The following PCDHA6 variants were observed in gnomAD, a reference collection of about 807,000 sequenced individuals.
PCDHA6 encodes the protein protocadherin alpha-6.
A neutral mutation model predicts 60.3 loss-of-function variants in PCDHA6; 55 were observed. The ratio of observed to expected loss-of-function variants is 0.91; its 90% confidence interval spans 0.73 to 1.14. The LOEUF is 1.14. PCDHA6 is among the 50% of genes most tolerant of loss of function. The pLI is 0.00. For synonymous variants in PCDHA6, 652 were observed against 557.9 expected (o/e 1.17, Z -2.38); for missense variants, 1,327 against 1,256.5 (o/e 1.06, Z -0.85).
intron 1 of PCDHA6, chr5:140,856,380 G>T: frequency 6.3e-7 from 1 of 1,598,530 alleles, no homozygotes; most frequent in Non-Finnish European, 8.6e-7. Flanking sequence ...ATCGTGGACA[G>T]GCCGCTGCAG....
At chr5:140,874,041 G>C (rs1385679236) in intron 1 of PCDHA6, among the ~76,000 whole-genome samples, 1 of 152,212 alleles carries the variant, frequency 6.6e-6, no homozygotes, top group African/African-American at 2.4e-5. Flanking sequence ...GAAACTTGGT[G>C]ATGATATTAG....
Position 140,827,980 on chromosome 5 carries a change from C to G in PCDHA6, c.-112C>G, listed in dbSNP as rs1769474161. The G allele has an allele frequency of 1.4e-6, 2 of 1,413,840 alleles. No homozygotes were observed. Among genetic ancestry groups the G allele is most frequent in the Non-Finnish European group, 9.6e-7 (1 of 1,044,012 alleles). 87.6% of individuals were successfully genotyped at this position (1,413,840 alleles called of 1,614,324 possible). ...CTTCTATTACTGCATCATTCCCTGACTGTTGAATGATGGCGGACGCAGAAG... is the reference window on the plus strand; with the variant it reads ...CTTCTATTACTGCATCATTCCCTGAGTGTTGAATGATGGCGGACGCAGAAG... On this transcript the variant is annotated 5_prime_UTR_variant, in exon 1 of 4. Coordinates refer to ENST00000529310, the MANE Select transcript of PCDHA6 (RefSeq NM_018909.4).
chr5:140,846,373 CTT>C (rs374699051), intron 1 of PCDHA6, among the ~76,000 whole-genome samples: 1,689 of 55,008 alleles, frequency 0.031, 26 homozygotes, highest in African/African-American at 0.077. Context: ...TTCTTTCTTT[CTT>C]TTTTTTTTTT....
chr5:140,884,096 G>T (rs782587372), intron 1 of PCDHA6: 1 of 1,613,580 alleles, frequency 6.2e-7, no homozygotes, highest in Non-Finnish European at 8.5e-7. Flanking sequence ...GCTTTCGTAT[G>T]AATTGCAGCT....
At chr5:140,875,842 A>G (rs782682417) in intron 1 of PCDHA6, 1 of 1,614,146 alleles carries the variant, frequency 6.2e-7, no homozygotes, top group Non-Finnish European at 8.5e-7. Context: ...CGTGGAGGTG[A>G]AGGACATTAA....
intron 1 of PCDHA6, chr5:140,878,248 C>A (rs1449904760): frequency 6.5e-6 from 1 of 154,860 alleles, no homozygotes; most frequent in African/African-American, 2.4e-5. Flanking sequence ...TTAACTCTTC[C>A]TCACGTGCTT....
chr5:140,877,527 C>A (rs1554169810), intron 1 of PCDHA6: 1 of 1,613,642 alleles, frequency 6.2e-7, no homozygotes, highest in East Asian at 2.2e-5. Flanking sequence ...CCTCAGTGGG[C>A]GCTGTGGATC....
intron 1 of PCDHA6, among the ~76,000 whole-genome samples, chr5:140,973,873 G>A (rs546928847): frequency 3.3e-5 from 5 of 152,292 alleles, no homozygotes; most frequent in African/African-American, 1.2e-4. Flanking sequence ...TGAGAGGTCA[G>A]AATAATGTCA....
intron 1 of PCDHA6, chr5:140,841,999 T>A: frequency 6.2e-7 from 1 of 1,613,818 alleles, no homozygotes; most frequent in Non-Finnish European, 8.5e-7. Context: ...CAGGCACTGT[T>A]CAGCTGCTGG....
intron 1 of PCDHA6, chr5:140,834,247 G>C: frequency 1.1e-6 from 1 of 891,604 alleles, no homozygotes; most frequent in Non-Finnish European, 1.7e-6. Flanking sequence ...TTTCGCACTG[G>C]AAAGACGCTC....
chr5:140,871,272 G>C lies in PCDHA6; in HGVS notation c.2394+40787G>C, dbSNP rs782818690. Reference sequence around the variant, plus strand: ...TGCTGTATACGGCGCTGTGGTGGTCGGCAACGCCCACTGAGGGCGCGTGCG... The same window carrying C: ...TGCTGTATACGGCGCTGTGGTGGTCCGCAACGCCCACTGAGGGCGCGTGCG... On this transcript the variant is annotated intron_variant, in intron 1 of 3. Coordinates refer to ENST00000529310, the MANE Select transcript of PCDHA6 (RefSeq NM_018909.4). 25 of 1,613,826 alleles carry C rather than the reference G, an allele frequency of 1.5e-5. No individual in the cohort carries two copies. The East Asian group carries it at 5.1e-4, about 33-fold the overall frequency.
chr5:140,838,485 T>C (rs1233460301), intron 1 of PCDHA6, among the ~76,000 whole-genome samples: 2 of 151,892 alleles, frequency 1.3e-5, no homozygotes, highest in Non-Finnish European at 2.9e-5. Flanking sequence ...TGTTTTTGAT[T>C]ATTTGCTTTC....
intron 1 of PCDHA6, among the ~76,000 whole-genome samples, chr5:140,957,852 A>ATT (rs5871756): frequency 1.3e-5 from 2 of 151,656 alleles, no homozygotes; most frequent in East Asian, 1.9e-4. Flanking sequence ...GAGTTTGTGT[A>ATT]TTTTTTTTCC....
Position 141,010,339 on chromosome 5 carries a change from A to C in PCDHA6, c.*402A>C. ...TTGAGCAGCTTGGGAGTTTGTGGCCACTGGGTATGTGTGGCTACCGCGGGT... is the reference window on the plus strand; with the variant it reads ...TTGAGCAGCTTGGGAGTTTGTGGCCCCTGGGTATGTGTGGCTACCGCGGGT... On this transcript the variant is annotated 3_prime_UTR_variant, in exon 4 of 4. Coordinates refer to ENST00000529310, the MANE Select transcript of PCDHA6 (RefSeq NM_018909.4). 6.5e-7 allele frequency: 1 copy of C among 1,534,060 alleles called. No homozygotes were observed. The highest frequency in any genetic ancestry group is 8.8e-7 in the Non-Finnish European group (1 of 1,140,682).
At chr5:140,924,895 AAAAAAAAAAATAAAAT>A (rs200266637) in intron 1 of PCDHA6, among the ~76,000 whole-genome samples, 43,424 of 132,064 alleles carry the variant, frequency 0.33, 6,815 homozygotes, top group East Asian at 0.57. Flanking sequence ...AACCTGTCTC[AAAAAAAAAAATAAAAT>A]AAAATAAAAT....
In PCDHA6 at chr5:140,851,944, C is replaced by G; in HGVS notation, c.2394+21459C>G. The G allele has an allele frequency of 1.7e-5, 16 of 969,410 alleles. 1 individual carries two copies. Among genetic ancestry groups the G allele is most frequent in the Non-Finnish European group, 2.0e-5 (16 of 802,504 alleles). The allele number at this position is 969,410 out of a possible 1,614,324, so 60.1% of individuals were successfully genotyped here. A position where few individuals can be genotyped will look rare whatever the true frequency, so the allele number is the denominator to read the frequency against. On this transcript the variant is annotated intron_variant, in intron 1 of 3. Transcript: ENST00000529310. ...ATGTTTCCTGAATTGTAGTATGTGA[C>G]TTTCAAAATGGTGGTTTTCCACACT...
intron 1 of PCDHA6, among the ~76,000 whole-genome samples, chr5:140,839,123 G>A (rs1346633787): frequency 6.6e-6 from 1 of 151,664 alleles, no homozygotes; most frequent in Admixed American, 6.6e-5. Flanking sequence ...GCCATAATAT[G>A]TCATTCACAT....
chr5:140,849,523 T>A (rs2150439737), intron 1 of PCDHA6: 1 of 1,597,506 alleles, frequency 6.3e-7, no homozygotes, highest in African/African-American at 1.3e-5. Flanking sequence ...GTTGTGGATG[T>A]AAATGACAAT....
At chr5:140,974,335 G>T (rs1481372488) in intron 1 of PCDHA6, among the ~76,000 whole-genome samples, 2 of 152,158 alleles carry the variant, frequency 1.3e-5, no homozygotes, top group African/African-American at 4.8e-5. Context: ...GTGCTAGCAG[G>T]CTATGCATCC....
Sources: gnomAD v4.1 joint callset for allele counts (sites outside exome capture counted in the v4.1 genomes callset) on GRCh38, gnomAD v4.1.1 for gene constraint, MANE v1.5 for transcripts, NCBI Gene and HGNC (gene_info 2026-07-23, HGNC 2026-07-21) for gene names.